The following WWOX variants were observed in gnomAD, a reference collection of about 807,000 sequenced individuals.
WWOX encodes WW domain-containing oxidoreductase.
WWOX carries 69 observed loss-of-function variants against 46.2 expected under a neutral mutation model. That is an observed-to-expected ratio of 1.49 (90% CI 1.23 to 1.82). WWOX has a LOEUF of 1.82. WWOX is among the 40% of genes most tolerant of loss of function. WWOX has a pLI of 0.00. For synonymous variants in WWOX, 359 were observed against 202.6 expected, an observed-to-expected ratio of 1.77 and a Z score of -6.56; for missense variants, 919 against 542.6, an observed-to-expected ratio of 1.69 and a Z score of -6.89.
intron 8 of WWOX, among the ~76,000 whole-genome samples, chr16:79,014,957 G>A (rs1483673581): frequency 6.6e-6 from 1 of 152,210 alleles, no homozygotes; most frequent in African/African-American, 2.4e-5. Context: ...ATATGTAGGA[G>A]AAGGATGTAT....
At position 78,978,914 on chromosome 16, in the gene WWOX, C is replaced by T. The variant is rs898418936; in HGVS notation, c.1057-232694C>T. On this transcript the variant is annotated intron_variant, in intron 8 of 8. Transcript: ENST00000566780. ...ACACAGATCCAAACCTTATCACCAG[C>T]GCTTGTTATTTCTTCAGGTACATTT... 3.9e-5 allele frequency among the ~76,000 whole-genome samples: 6 copies of T among 152,156 alleles called. No individual in the cohort carries two copies. In the East Asian group the frequency reaches 5.8e-4, roughly 15 times the overall value.
At chr16:78,283,767 T>C (rs1056994369) in intron 5 of WWOX, among the ~76,000 whole-genome samples, 1 of 151,846 alleles carries the variant, frequency 6.6e-6, no homozygotes, top group Non-Finnish European at 1.5e-5. Flanking sequence ...GTGACAACAG[T>C]GGGTTGAGCT....
chr16:78,905,665 G>T (rs1174060955), intron 8 of WWOX, among the ~76,000 whole-genome samples: 1 of 152,148 alleles, frequency 6.6e-6, no homozygotes, highest in Non-Finnish European at 1.5e-5. Context: ...TTAGATGCAT[G>T]AGCCACCTGG....
At chr16:78,121,238 TG>T (rs1567583163) in intron 4 of WWOX, among the ~76,000 whole-genome samples, 1 of 152,222 alleles carries the variant, frequency 6.6e-6, no homozygotes, top group Non-Finnish European at 1.5e-5. Context: ...TTTTGGGCAT[TG>T]GAACTCCATT....
chr16:78,674,535 T>A (rs1420793405), intron 8 of WWOX, among the ~76,000 whole-genome samples: 1 of 152,144 alleles, frequency 6.6e-6, no homozygotes, highest in Non-Finnish European at 1.5e-5. Flanking sequence ...TCCACCCTCC[T>A]CAGCCTCCCA....
At chr16:79,180,752 T>C (rs2050894982) in intron 8 of WWOX, among the ~76,000 whole-genome samples, 1 of 152,168 alleles carries the variant, frequency 6.6e-6, no homozygotes, top group Admixed American at 6.5e-5. Context: ...TATCTATTCA[T>C]CTATCCATCC....
At chr16:78,415,527 G>C (rs573345644) in intron 6 of WWOX, among the ~76,000 whole-genome samples, 2 of 152,228 alleles carry the variant, frequency 1.3e-5, no homozygotes, top group South Asian at 2.1e-4. Context: ...ATTCAAAATG[G>C]AGTCACTCTG....
chr16:78,885,415 T>C (rs1354897174), intron 8 of WWOX, among the ~76,000 whole-genome samples: 1 of 152,242 alleles, frequency 6.6e-6, no homozygotes, highest in Non-Finnish European at 1.5e-5. Flanking sequence ...TTAATATTGA[T>C]TTGTTAGAAA....
At chr16:79,199,222 C>T (rs1004672229) in intron 8 of WWOX, among the ~76,000 whole-genome samples, 7 of 152,300 alleles carry the variant, frequency 4.6e-5, no homozygotes, top group Admixed American at 4.6e-4. Context: ...GCCACCACGC[C>T]TGGCTAATTT....
chr16:78,775,293 T>A (rs113870317), intron 8 of WWOX, among the ~76,000 whole-genome samples: 9 of 152,168 alleles, frequency 5.9e-5, no homozygotes, highest in Non-Finnish European at 1.2e-4. Context: ...TATGAGTGTT[T>A]TGACTGTTCA....
chr16:78,250,440 G>C (rs2037953995), intron 5 of WWOX, among the ~76,000 whole-genome samples: 1 of 152,016 alleles, frequency 6.6e-6, no homozygotes, highest in Non-Finnish European at 1.5e-5. Flanking sequence ...GATTAAGTGA[G>C]ATCTTCCATT....
intron 8 of WWOX, among the ~76,000 whole-genome samples, chr16:78,774,525 TGTGTGTGC>T (rs1019429912): frequency 4.1e-4 from 51 of 123,546 alleles, no homozygotes; most frequent in African/African-American, 6.2e-4. Context: ...TGTGTGTGTG[TGTGTGTGC>T]GCGTGCGCAC....
chr16:78,809,244 G>A (rs1217651529), intron 8 of WWOX, among the ~76,000 whole-genome samples: 1 of 141,930 alleles, frequency 7.0e-6, no homozygotes, highest in African/African-American at 2.6e-5. Context: ...TGTCTGAGCA[G>A]AATGTTTTTA....
chr16:78,444,504 G>T (rs1003219581), intron 8 of WWOX, among the ~76,000 whole-genome samples: 1 of 151,754 alleles, frequency 6.6e-6, no homozygotes, highest in Non-Finnish European at 1.5e-5. Flanking sequence ...ATTATAGGAA[G>T]GATACAGTTA....
At chr16:79,058,221 C>T (rs1372158762) in intron 8 of WWOX, among the ~76,000 whole-genome samples, 1 of 151,898 alleles carries the variant, frequency 6.6e-6, no homozygotes, top group Non-Finnish European at 1.5e-5. Flanking sequence ...GTGTGCCCTC[C>T]TTCCAAGATG....
rs376741413 is a variant in WWOX at position 79,062,267 on chromosome 16, C to G, written c.1057-149341C>G. On this transcript the variant is annotated intron_variant, in intron 8 of 8. Transcript: ENST00000566780. ...TGGGACATATCATTTTCTTAGTTCT[C>G]CATTTATTAATAAAATGCCCAATAC... 1.1e-4 allele frequency among the ~76,000 whole-genome samples: 16 copies of G among 152,268 alleles called. 1 individual carries two copies. The highest frequency in any genetic ancestry group is 3.9e-4 in the African/African-American group (16 of 41,558).
At chr16:79,031,881 GA>G (rs1322196185) in intron 8 of WWOX, among the ~76,000 whole-genome samples, 1 of 48,058 alleles carries the variant, frequency 2.1e-5, no homozygotes, top group African/African-American at 4.6e-5. Flanking sequence ...TCTATATACA[GA>G]TATCTGTATA....
At chr16:78,314,698 TTTG>T (rs1412998320) in intron 5 of WWOX, among the ~76,000 whole-genome samples, 6 of 67,942 alleles carry the variant, frequency 8.8e-5, no homozygotes, top group African/African-American at 3.5e-4. Context: ...GTTTTTTTTT[TTTG>T]TTTTTTTTTT....
At chr16:79,099,230 G>C (rs867426754) in intron 8 of WWOX, among the ~76,000 whole-genome samples, 1 of 152,148 alleles carries the variant, frequency 6.6e-6, no homozygotes, top group Non-Finnish European at 1.5e-5. Flanking sequence ...CTCCCGGTAG[G>C]CTCCATCTCC....
Sources: gnomAD v4.1 joint callset for allele counts (sites outside exome capture counted in the v4.1 genomes callset) on GRCh38, gnomAD v4.1.1 for gene constraint, MANE v1.5 for transcripts, NCBI Gene and HGNC (gene_info 2026-07-23, HGNC 2026-07-21) for gene names.